GRP: variants seen among roughly 807,000 people sequenced by gnomAD.
The protein encoded by GRP is gastrin-releasing peptide.
A neutral mutation model predicts 12.7 loss-of-function variants in GRP; 11 were observed. The observed-to-expected ratio is 0.87, with a 90% CI of 0.55 to 1.44. The LOEUF (loss-of-function observed/expected upper bound fraction) is 1.44. Ranked by LOEUF, GRP falls within the 40% of genes most tolerant of loss-of-function variation. The pLI is 0.00. For missense variants in GRP, 212 were observed against 185.4 expected, an observed-to-expected ratio of 1.14 and a Z score of -0.83; for synonymous variants, 84 against 77.7, an observed-to-expected ratio of 1.08 and a Z score of -0.43.
rs1568086513 is a variant in GRP at position 59,230,473 on chromosome 18, G to T, written c.*5G>T. The T allele has an allele frequency of 8.4e-6, 13 of 1,545,936 alleles. No homozygotes were observed. Among genetic ancestry groups the T allele is most frequent in the Non-Finnish European group, 1.1e-5 (12 of 1,117,692 alleles). ...CCCCAGCTGAACCAGCAATGATAAT[G>T]ATGGCCTCTCTCAAAAGAGAAAAAC... On this transcript the variant is annotated 3_prime_UTR_variant, in exon 3 of 3. Transcript: ENST00000256857.
In GRP at chr18:59,227,030, TTTC is replaced by T. The variant is rs1312595576; in HGVS notation, c.382+1299_382+1301del. 5.5e-5 allele frequency among the ~76,000 whole-genome samples: 8 copies of T among 144,652 alleles called. 1 individual carries two copies. The highest frequency in any genetic ancestry group is 1.1e-4 in the African/African-American group (4 of 37,062). 94.9% of individuals were successfully genotyped at this position (144,652 alleles called of 152,430 possible). On this transcript the variant is annotated intron_variant, in intron 2 of 2. Coordinates refer to ENST00000256857, the MANE Select transcript of GRP (RefSeq NM_002091.5). ...CTTTCTTTCTTTCTTTCTTTCTTTC[TTTC>T]TTTCTTTCTTTCTTTCTTTCTTCCT...
chr18:59,225,414 A>C, intron 1 of GRP, 78 bp from the exon 2 acceptor site: 2 of 1,382,494 alleles, frequency 1.4e-6, no homozygotes, highest in East Asian at 4.6e-5. Flanking sequence ...ATTAGCTTTA[A>C]ATTTCTTTTA....
chr18:59,226,512 C>T (rs1224802987), intron 2 of GRP, among the ~76,000 whole-genome samples: 2 of 152,162 alleles, frequency 1.3e-5, no homozygotes, highest in Non-Finnish European at 2.9e-5. Flanking sequence ...AAGCAGTTTA[C>T]CTCCATTTTC....
intron 2 of GRP, among the ~76,000 whole-genome samples, chr18:59,228,186 T>C (rs1462632988): frequency 6.6e-6 from 1 of 152,212 alleles, no homozygotes; most frequent in Admixed American, 6.5e-5. Context: ...AATATTTTAT[T>C]GCTTCTCTTG....
intron 1 of GRP, among the ~76,000 whole-genome samples, chr18:59,221,479 C>G (rs2069833059): frequency 6.6e-6 from 1 of 152,204 alleles, no homozygotes; most frequent in African/African-American, 2.4e-5. Context: ...ACTCCCCCAC[C>G]TACCCGCCCC....
Position 59,230,703 on chromosome 18 carries a change from A to T in GRP, c.*235A>T. The T allele has an allele frequency of 1.9e-6, 1 of 514,496 alleles. No homozygotes were observed. Among genetic ancestry groups the T allele is most frequent in the Non-Finnish European group, 3.5e-6 (1 of 286,054 alleles). 31.9% of individuals were successfully genotyped at this position (514,496 alleles called of 1,614,324 possible). ...ATTAATGCTTTTTTATATCTAGGCT[A>T]CCTGTTGGTTAGATTCAAGGCCCCG... On this transcript the variant is annotated 3_prime_UTR_variant, in exon 3 of 3. Coordinates refer to ENST00000256857, the MANE Select transcript of GRP (RefSeq NM_002091.5).
In GRP at chr18:59,225,665, G is replaced by A; in HGVS notation, c.313G>A (p.Gly105Ser). 1.9e-6 allele frequency: 3 copies of A among 1,614,040 alleles called. No individual in the cohort carries two copies. Among genetic ancestry groups the A allele is most frequent in the Non-Finnish European group, 2.5e-6 (3 of 1,179,942 alleles). The stretch of plus-strand genomic sequence containing the variant: ...CCAGCCACCTCAACCCAAGGCCCTG[G>A]GCAATCAGCAGCCTTCGTGGGATTC... ...NHQPPQPKAL[G>S]NQQPSWDSED... The change falls in exon 2 of 3, where the codon GGC becomes AGC. Residue 105 changes from glycine to serine, a missense_variant. Physicochemically the swap from Gly to Ser is moderately conservative, Grantham distance 56. Transcript: ENST00000256857.
intron 1 of GRP, among the ~76,000 whole-genome samples, chr18:59,221,752 G>A (rs1771490233): frequency 6.6e-6 from 1 of 152,156 alleles, no homozygotes; most frequent in Non-Finnish European, 1.5e-5. Flanking sequence ...GACTGGAACT[G>A]TTGCTTCCTC....
Position 59,220,259 on chromosome 18 carries a change from C to T in GRP, c.-7C>T. 6.7e-7 allele frequency: 1 copy of T among 1,495,604 alleles called. No individual in the cohort carries two copies. The highest frequency in any genetic ancestry group is 1.2e-5 in the South Asian group (1 of 80,218). The allele number at this position is 1,495,604 out of a possible 1,614,324, so 92.6% of individuals were successfully genotyped here. On this transcript the variant is annotated 5_prime_UTR_variant, in exon 1 of 3. Transcript: ENST00000256857. Reference sequence around the variant, plus strand: ...CCGGCGCGCTCCAAGGGCTTCCCGTCGGGACCATGCGCGGCCGTGAGCTCC... The same window carrying T: ...CCGGCGCGCTCCAAGGGCTTCCCGTTGGGACCATGCGCGGCCGTGAGCTCC...
At chr18:59,228,228 T>C (rs1336489785) in intron 2 of GRP, among the ~76,000 whole-genome samples, 1 of 152,196 alleles carries the variant, frequency 6.6e-6, no homozygotes, top group Non-Finnish European at 1.5e-5. Flanking sequence ...GAAAGTATGC[T>C]GTTATGAAAA....
At chr18:59,224,720 C>T (rs968650293) in intron 1 of GRP, among the ~76,000 whole-genome samples, 2 of 152,178 alleles carry the variant, frequency 1.3e-5, no homozygotes, top group African/African-American at 4.8e-5. Flanking sequence ...GTTTGGCCTC[C>T]TTAACAGCAG....
At chr18:59,225,104 C>T (rs2069895449) in intron 1 of GRP, among the ~76,000 whole-genome samples, 1 of 152,118 alleles carries the variant, frequency 6.6e-6, no homozygotes, top group Non-Finnish European at 1.5e-5. Flanking sequence ...GAATTTGGTG[C>T]ACACAGAATT....
Position 59,230,691 on chromosome 18 carries a change from T to C in GRP, c.*223T>C. On this transcript the variant is annotated 3_prime_UTR_variant, in exon 3 of 3. Coordinates refer to ENST00000256857, the MANE Select transcript of GRP (RefSeq NM_002091.5). ...AAGAGTCTTCCAATTAATGCTTTTT[T>C]ATATCTAGGCTACCTGTTGGTTAGA... 1 of 531,602 alleles carries C rather than the reference T, an allele frequency of 1.9e-6. No homozygotes were observed. Among genetic ancestry groups the C allele is most frequent in the Non-Finnish European group, 3.4e-6 (1 of 296,488 alleles). The allele number at this position is 531,602 out of a possible 1,614,324, so 32.9% of individuals were successfully genotyped here. A position where few individuals can be genotyped will look rare whatever the true frequency, so the allele number is the denominator to read the frequency against.
At chr18:59,223,707 T>C (rs555649357) in intron 1 of GRP, among the ~76,000 whole-genome samples, 9 of 152,212 alleles carry the variant, frequency 5.9e-5, no homozygotes, top group Non-Finnish European at 2.9e-5. Context: ...CTTCCAACCA[T>C]CATGATTTAA....
At chr18:59,219,863 C>T (rs1303968699), upstream of GRP, among the ~76,000 whole-genome samples, 1 of 152,026 alleles carries the variant, frequency 6.6e-6, no homozygotes, top group Non-Finnish European at 1.5e-5. Context: ...CTGGAGGCGC[C>T]GGCGAGCCTG....
chr18:59,225,469 T>C, intron 1 of GRP, 23 bp from the exon 2 acceptor site: 1 of 1,587,360 alleles, frequency 6.3e-7, no homozygotes, highest in Non-Finnish European at 8.6e-7. Flanking sequence ...GCATTCTGAG[T>C]GTTTTTGTTT....
intron 1 of GRP, among the ~76,000 whole-genome samples, chr18:59,221,882 A>G (rs2069841424): frequency 6.6e-6 from 1 of 152,032 alleles, no homozygotes; most frequent in Non-Finnish European, 1.5e-5. Context: ...CAGAGATGAG[A>G]GGATGTGTGA....
intron 2 of GRP, among the ~76,000 whole-genome samples, chr18:59,227,942 T>C (rs1467859691): frequency 6.6e-6 from 1 of 152,144 alleles, no homozygotes; most frequent in Non-Finnish European, 1.5e-5. Flanking sequence ...AAGGGGGCAG[T>C]CCTTATCCCA....
Position 59,225,697 on chromosome 18 carries a change from T to C in GRP, c.345T>C (p.Asp115=). 6.2e-7 allele frequency: 1 copy of C among 1,613,998 alleles called. No homozygotes were observed. The highest frequency in any genetic ancestry group is 1.3e-5 in the African/African-American group (1 of 74,990). The change falls in exon 2 of 3, where the codon GAT becomes GAC. Residue 115 remains aspartate, a synonymous_variant. Coordinates refer to ENST00000256857, the MANE Select transcript of GRP (RefSeq NM_002091.5). ...GNQQPSWDSE[D]SSNFKDVGSK... is the part of the protein sequence containing the mutation. ...AGCAGCCTTCGTGGGATTCAGAGGA[T>C]AGCAGCAACTTCAAAGATGTAGGTT...
Sources: allele counts gnomAD v4.1 joint callset (sites outside exome capture counted in the v4.1 genomes callset), GRCh38; gene constraint gnomAD v4.1.1; transcripts MANE v1.5; gene names NCBI Gene and HGNC (gene_info 2026-07-23, HGNC 2026-07-21).